The following MYLK2 variants were observed in gnomAD, a reference collection of about 807,000 sequenced individuals.
MYLK2 encodes the protein myosin light chain kinase 2.
Under a neutral mutation model 58.2 loss-of-function variants are expected in MYLK2, and 27 were observed. The observed-to-expected ratio is 0.46, with a 90% CI of 0.34 to 0.64. MYLK2 has a LOEUF of 0.64. MYLK2 is among the 30% of genes least tolerant of loss of function. MYLK2 has a pLI of 0.01. For missense variants in MYLK2, 676 were observed against 764.3 expected, an observed-to-expected ratio of 0.88 and a Z score of 1.36; for synonymous variants, 310 against 296.7, an observed-to-expected ratio of 1.04 and a Z score of -0.46.
rs763614398 is a variant in MYLK2, at chr20:31,831,020, C to T, written c.1303C>T (p.Pro435Ser). 1.2e-5 allele frequency: 19 copies of T among 1,614,134 alleles called. No individual in the cohort carries two copies. The highest frequency in any genetic ancestry group is 1.6e-5 in the Non-Finnish European group (19 of 1,180,012). Residue 435 changes from proline (P) to serine (S), a missense_variant, in exon 10 of 13, where the codon CCC (proline) becomes TCC (serine). Physicochemically the swap from Pro to Ser is moderately conservative, Grantham distance 74 (BLOSUM62 -1). Transcript: ENST00000375985. ...CCTTGGTCTCACCCCCAGGTATAAC[C>T]CCAACGAGAAGCTGAAGGTGAACTT... is the stretch of plus-strand genomic sequence containing the variant. ...IDFGLARRYNPNEKLKVNFGT... is the reference protein window; with the variant it reads ...IDFGLARRYNSNEKLKVNFGT...
chr20:31,821,308 A>T, intron 3 of MYLK2, 131 bp from the exon 4 acceptor site: 1 of 955,610 alleles, frequency 1.0e-6, no homozygotes, highest in Non-Finnish European at 1.6e-6. Context: ...ATTTTGTACC[A>T]GGTGAATTTG....
chr20:31,828,640 A>G (rs2062291400), intron 8 of MYLK2: 1 of 985,350 alleles, frequency 1.0e-6, no homozygotes, highest in Admixed American at 6.1e-5. Flanking sequence ...GCGGAATCGC[A>G]CTGGGTGAAA....
rs1240723658 is a variant in MYLK2 at position 31,820,277 on chromosome 20, A to G, written c.204A>G (p.Gln68=). 3 of 1,613,688 alleles carry G rather than the reference A, an allele frequency of 1.9e-6. No individual in the cohort carries two copies. The highest frequency in any genetic ancestry group is 2.5e-6 in the Non-Finnish European group (3 of 1,180,000). The change falls in exon 3 of 13, where the codon CAA becomes CAG. Residue 68 remains glutamine, a synonymous_variant. Coordinates refer to ENST00000375985, the MANE Select transcript of MYLK2 (RefSeq NM_033118.4). ...AGAAAGGGGATGGTACCCTGGCCCA[A>G]CCCTCAACTAGCAGCCAAGGCCCCA... ...ASEKGDGTLA[Q]PSTSSQGPKG...
intron 8 of MYLK2, chr20:31,828,530 C>T: frequency 3.1e-6 from 3 of 981,392 alleles, no homozygotes; most frequent in Non-Finnish European, 3.6e-6. Flanking sequence ...GTCCCTGTCT[C>T]ATGGAGCCTC....
At chr20:31,827,326 T>C (rs1196654062) in intron 8 of MYLK2, 1 of 985,286 alleles carries the variant, frequency 1.0e-6, no homozygotes, top group African/African-American at 1.7e-5. Context: ...TGTCTGATCA[T>C]TTATTCAAAA....
chr20:31,821,681 A>C lies in MYLK2; in HGVS notation c.716A>C (p.Glu239Ala), dbSNP rs2062252983. The C allele has an allele frequency of 3.1e-6, 5 of 1,612,460 alleles. No homozygotes were observed. Among genetic ancestry groups the C allele is most frequent in the Non-Finnish European group, 4.2e-6 (5 of 1,179,002 alleles). ...CAGGCTGTTCCCTCAGAGAAATCCG[A>C]GGTGGGGCAGGCCCTCTGTCTCACA... The part of the protein sequence containing the change: ...EFQAVPSEKS[E>A]VGQALCLTAR... The change falls in exon 4 of 13, where the codon GAG (glutamate) becomes GCG (alanine). Residue 239 changes from glutamate to alanine, a missense_variant. By Grantham distance (107) the Glu-to-Ala change is moderately radical. Coordinates refer to ENST00000375985, the MANE Select transcript of MYLK2 (RefSeq NM_033118.4).
chr20:31,828,732 A>G, intron 8 of MYLK2: 1 of 985,302 alleles, frequency 1.0e-6, no homozygotes, highest in South Asian at 4.7e-5. Context: ...TCTGTGCCCG[A>G]CACTGTCTGA....
intron 2 of MYLK2, among the ~76,000 whole-genome samples, chr20:31,819,837 T>C (rs2062242539): frequency 6.6e-6 from 1 of 151,880 alleles, no homozygotes; most frequent in Non-Finnish European, 1.5e-5. Flanking sequence ...ACCAGGAAAA[T>C]GTGAAGCCAC....
intron 6 of MYLK2, 87 bp from the exon 7 acceptor site, chr20:31,826,518 C>G: frequency 2.6e-6 from 4 of 1,567,330 alleles, no homozygotes; most frequent in Non-Finnish European, 3.5e-6. Context: ...GCAAGGCTAG[C>G]AGGCCTGTTC....
chr20:31,821,500 G>A lies in MYLK2; in HGVS notation c.535G>A (p.Val179Met). The A allele has an allele frequency of 6.2e-7, 1 of 1,613,996 alleles. No individual in the cohort carries two copies. The highest frequency in any genetic ancestry group is 8.5e-7 in the Non-Finnish European group (1 of 1,180,044). The change falls in exon 4 of 13, where the codon GTG becomes ATG. Residue 179 changes from valine to methionine, a missense_variant. Physicochemically the swap from Val to Met is conservative, Grantham distance 21. Transcript: ENST00000375985. ...GGCATCAGAGCTCACCTTTGAAGGG[G>A]TGCCCATGACCCACAGCCCCACGGA... Reference protein sequence around the residue: ...SEASELTFEGVPMTHSPTDPR... With the variant: ...SEASELTFEGMPMTHSPTDPR...
At chr20:31,828,712 CCA>C (rs2062291754) in intron 8 of MYLK2, 1 of 985,278 alleles carries the variant, frequency 1.0e-6, no homozygotes, top group Non-Finnish European at 1.2e-6. Flanking sequence ...AACACCTGTC[CCA>C]GTTTTGCTCT....
intron 3 of MYLK2, 88 bp from the exon 4 acceptor site, chr20:31,821,351 G>A (rs1212639071): frequency 4.6e-6 from 7 of 1,525,600 alleles, no homozygotes; most frequent in Non-Finnish European, 2.7e-6. Context: ...GGGTGGGGTT[G>A]GATTAGCTCT....
At chr20:31,824,408 G>A (rs1427947336) in intron 6 of MYLK2, 56 bp downstream of exon 6, 9 of 1,570,936 alleles carry the variant, frequency 5.7e-6, no homozygotes, top group Non-Finnish European at 7.8e-6. Flanking sequence ...TCCTTGGAGT[G>A]GGCACCTCTC....
intron 6 of MYLK2, among the ~76,000 whole-genome samples, chr20:31,825,318 G>A (rs6119728): frequency 0.42 from 63,231 of 152,086 alleles, 16,983 homozygotes; most frequent in African/African-American, 0.76. Context: ...CCAGGCCTCT[G>A]TCACAGGCTC....
chr20:31,824,747 C>T (rs1181417462), intron 6 of MYLK2, among the ~76,000 whole-genome samples: 2 of 152,190 alleles, frequency 1.3e-5, no homozygotes, highest in South Asian at 2.1e-4. Context: ...TGGCCTAGAG[C>T]TTTGCCTCTA....
rs35574032 is a variant in MYLK2 at position 31,821,781 on chromosome 20, G to C, written c.772+44G>C. 0.1 allele frequency: 160,223 copies of C among 1,529,426 alleles called. 9,575 individuals are homozygous for C. Among genetic ancestry groups the C allele is most frequent in the Middle Eastern group, 0.15 (651 of 4,488 alleles). 94.7% of individuals were successfully genotyped at this position (1,529,426 alleles called of 1,614,324 possible). A position where few individuals can be genotyped will look rare whatever the true frequency, so the allele number is the denominator to read the frequency against. Reference sequence around the variant, plus strand: ...GGGGCTGGGGCTGCCCTGGGGCCAGGGGGAGGGAAGGGGGCTGTCAGTCCC... The same window carrying C: ...GGGGCTGGGGCTGCCCTGGGGCCAGCGGGAGGGAAGGGGGCTGTCAGTCCC... On this transcript the variant is annotated intron_variant, in intron 4 of 12. Transcript: ENST00000375985.
chr20:31,819,683 T>C (rs1398626519), intron 2 of MYLK2, 51 bp downstream of exon 2: 1 of 1,547,066 alleles, frequency 6.5e-7, no homozygotes, highest in Non-Finnish European at 8.7e-7. Flanking sequence ...AGGGGGGTTT[T>C]GAATCCAGGA....
Position 31,821,635 on chromosome 20 carries a change from A to T in MYLK2, c.670A>T (p.Thr224Ser). ...QAGQAKMQGD[T>S]SRGIEFQAVP... Reference sequence around the variant, plus strand: ...TGGCCAGGCTAAGATGCAAGGGGACACCTCGAGGGGGATTGAGTTCCAGGC... The same window carrying T: ...TGGCCAGGCTAAGATGCAAGGGGACTCCTCGAGGGGGATTGAGTTCCAGGC... The change falls in exon 4 of 13, where the codon ACC becomes TCC. Residue 224 changes from threonine to serine, a missense_variant. Around this residue, in one of 2 missense-constraint regions of MYLK2, gnomAD observed 306 missense variants for 296.5 expected, o/e 1.03. Coordinates refer to ENST00000375985, the MANE Select transcript of MYLK2 (RefSeq NM_033118.4). 1.2e-6 allele frequency: 2 copies of T among 1,613,976 alleles called. No homozygotes were observed.
intron 11 of MYLK2, 53 bp from the exon 12 acceptor site, chr20:31,831,951 C>T: frequency 6.2e-7 from 1 of 1,612,896 alleles, no homozygotes; most frequent in Non-Finnish European, 8.5e-7. Flanking sequence ...CAGCTGAGCC[C>T]CTGGGGCCTC....
Sources: gnomAD v4.1 joint callset for allele counts (sites outside exome capture counted in the v4.1 genomes callset) on GRCh38, gnomAD v4.1.1 for gene constraint, gnomAD v4.1.1 regional missense constraint, MANE v1.5 for transcripts, NCBI Gene and HGNC (gene_info 2026-07-23, HGNC 2026-07-21) for gene names.